Variants in OLR1 observed in about 807,000 individuals in gnomAD.
OLR1 encodes oxidized low density lipoprotein receptor 1, also known as oxidized low-density lipoprotein receptor 1.
In OLR1, 23 loss-of-function variants were observed where a neutral mutation model predicts 31.7. That is an observed-to-expected ratio of 0.72 (90% CI 0.52 to 1.03). The LOEUF (loss-of-function observed/expected upper bound fraction) is 1.03, where lower values mean the gene tolerates loss of function less well. Ranked by LOEUF, OLR1 falls within the 50% of genes least tolerant of loss-of-function variation. The pLI, the probability that OLR1 is intolerant of heterozygous loss-of-function variation, is 0.00. For synonymous variants in OLR1, 117 were observed against 115.8 expected (o/e 1.01, Z -0.07); for missense variants, 286 against 315.7 (o/e 0.91, Z 0.71).
chr12:10,163,596 T>C lies in OLR1; in HGVS notation c.425-2671A>G, dbSNP rs1360807702. On this transcript the variant is annotated intron_variant, in intron 3 of 5. Coordinates refer to ENST00000309539, the MANE Select transcript of OLR1 (RefSeq NM_002543.4). ...GGAAAAACTTGGCTTTTTTTTTTTT[T>C]CTGTATGTGGTATTTTAGTATTACT... Among the ~76,000 whole-genome samples, 4 of 143,250 alleles carry C rather than the reference T, an allele frequency of 2.8e-5. No homozygotes were observed. The East Asian group carries it at 6.2e-4, about 22-fold the overall frequency. The allele number at this position is 143,250 out of a possible 152,430, so 94.0% of individuals were successfully genotyped here.
chr12:10,162,835 A>T (rs1178275449), intron 3 of OLR1, among the ~76,000 whole-genome samples: 97 of 152,160 alleles, frequency 6.4e-4, no homozygotes, highest in Non-Finnish European at 1.6e-4. Context: ...CTCAAAAAAT[A>T]TATTTAGATG....
At chr12:10,174,891 A>G (rs922879648), upstream of OLR1, among the ~76,000 whole-genome samples, 19 of 152,236 alleles carry the variant, frequency 1.2e-4, no homozygotes, top group African/African-American at 3.6e-4. Flanking sequence ...ACAATTATCA[A>G]TGTGGTAGCA....
chr12:10,165,296 G>A (rs1186916831), intron 3 of OLR1, among the ~76,000 whole-genome samples: 1 of 151,050 alleles, frequency 6.6e-6, no homozygotes, highest in East Asian at 2.0e-4. Flanking sequence ...CGGGCGTGGT[G>A]GTGGGTGCCT....
chr12:10,174,191 G>A (rs1948749603), upstream of OLR1, among the ~76,000 whole-genome samples: 1 of 152,102 alleles, frequency 6.6e-6, no homozygotes, highest in Admixed American at 6.5e-5. Flanking sequence ...CTCCTGAGTA[G>A]CTGGGATTAC....
upstream of OLR1, among the ~76,000 whole-genome samples, chr12:10,172,982 C>A (rs1311234128): frequency 2.0e-5 from 3 of 152,060 alleles, no homozygotes; most frequent in Non-Finnish European, 4.4e-5. Flanking sequence ...TCAAATGACA[C>A]GCTGGTTAAA....
rs373714577 is a variant in OLR1, at chr12:10,172,087, C to G, written c.-10G>C. On this transcript the variant is annotated 5_prime_UTR_variant, in exon 1 of 6. Coordinates refer to ENST00000309539, the MANE Select transcript of OLR1 (RefSeq NM_002543.4). ...GGTCATCAAAAGTCATTTCCAAATT[C>G]AAGCTAAGAATGAGAGAGTGAAGCA... 1 of 1,609,888 alleles carries G rather than the reference C, an allele frequency of 6.2e-7. No homozygotes were observed. Among genetic ancestry groups the G allele is most frequent in the South Asian group, 1.1e-5 (1 of 90,970 alleles).
At chr12:10,165,304 C>A (rs989681732) in intron 3 of OLR1, among the ~76,000 whole-genome samples, 1 of 150,300 alleles carries the variant, frequency 6.7e-6, no homozygotes, top group South Asian at 2.1e-4. Context: ...GTGGTGGGTG[C>A]CTGTAATCCC....
upstream of OLR1, chr12:10,175,585 C>T (rs1948759806): frequency 6.6e-6 from 1 of 152,198 alleles, no homozygotes; most frequent in African/African-American, 2.4e-5. Flanking sequence ...TAAACTGAAT[C>T]CTTCTGTCTT....
intron 1 of OLR1, chr12:10,170,181 T>C (rs1050875487): frequency 6.6e-6 from 1 of 152,256 alleles, no homozygotes; most frequent in Admixed American, 6.5e-5. Flanking sequence ...GAATGTATAA[T>C]GATCCAGTCA....
chr12:10,159,830 T>C lies in OLR1; in HGVS notation c.*50A>G. ...CCAAGTGACAAAGAATAGCTTAAAT[T>C]CCAGAATAAAACTCAAAGACTTTTT... On this transcript the variant is annotated 3_prime_UTR_variant, in exon 6 of 6. Transcript: ENST00000309539. 2 of 1,544,280 alleles carry C rather than the reference T, an allele frequency of 1.3e-6. No homozygotes were observed. Among genetic ancestry groups the C allele is most frequent in the Non-Finnish European group, 1.8e-6 (2 of 1,142,466 alleles).
At chr12:10,165,852 G>A (rs547752126) in intron 3 of OLR1, among the ~76,000 whole-genome samples, 3 of 152,106 alleles carry the variant, frequency 2.0e-5, no homozygotes, top group Admixed American at 6.5e-5. Flanking sequence ...TCCACCAAAA[G>A]GTATGCTTAA....
At chr12:10,175,714 G>A (rs1948760678), upstream of OLR1, among the ~76,000 whole-genome samples, 1 of 152,168 alleles carries the variant, frequency 6.6e-6, no homozygotes, top group Non-Finnish European at 1.5e-5. Context: ...GATCTCCCAA[G>A]GGTTGCAAAG....
chr12:10,161,942 TATAA>T (rs774489900), intron 3 of OLR1, among the ~76,000 whole-genome samples: 1,043 of 46,296 alleles, frequency 0.023, 7 homozygotes, highest in Middle Eastern at 0.061. Flanking sequence ...TATATATATA[TATAA>T]AAAACACATA....
chr12:10,162,973 G>GTGTGTGTA (rs1491020761), intron 3 of OLR1, among the ~76,000 whole-genome samples: 1 of 151,978 alleles, frequency 6.6e-6, no homozygotes, highest in African/African-American at 2.4e-5. Flanking sequence ...GTGTGTGTGT[G>GTGTGTGTA]TGTACACAAA....
intron 1 of OLR1, among the ~76,000 whole-genome samples, chr12:10,171,630 G>A (rs1053071194): frequency 6.6e-6 from 1 of 152,138 alleles, no homozygotes; most frequent in African/African-American, 2.4e-5. Flanking sequence ...TACAGTCCTA[G>A]CTCTACCACT....
upstream of OLR1, among the ~76,000 whole-genome samples, chr12:10,175,833 G>A (rs1364264287): frequency 1.3e-5 from 2 of 152,198 alleles, no homozygotes; most frequent in Non-Finnish European, 2.9e-5. Flanking sequence ...CTATTTTATT[G>A]AGGCACAGAG....
At chr12:10,170,989 C>T (rs1273376440) in intron 1 of OLR1, 3 of 152,054 alleles carry the variant, frequency 2.0e-5, no homozygotes, top group Non-Finnish European at 2.9e-5. Flanking sequence ...ACCGATCTAA[C>T]CAAGATTCTG....
rs769214390 is a variant in OLR1, at chr12:10,166,862, C to T, written c.274G>A (p.Glu92Lys). The change falls in exon 3 of 6, where the codon GAA becomes AAA. Residue 92 changes from glutamate (E) to lysine (K), a missense_variant. Transcript: ENST00000309539. ...EGQISARQQA[E>K]EASQESENEL... The stretch of plus-strand genomic sequence containing the variant: ...TTTTCTGACTCCTGTGAAGCTTCTT[C>T]TGCTTGTTGCCGGGCTGAGATCTGT... 2 of 1,613,658 alleles carry T rather than the reference C, an allele frequency of 1.2e-6. No homozygotes were observed. Among genetic ancestry groups the T allele is most frequent in the East Asian group, 2.2e-5 (1 of 44,788 alleles).
chr12:10,163,747 A>G (rs1271208887), intron 3 of OLR1, among the ~76,000 whole-genome samples: 5 of 152,124 alleles, frequency 3.3e-5, no homozygotes, highest in Admixed American at 6.5e-5. Context: ...CCTGACCAAC[A>G]TGGTGAAACC....
Sources: allele counts gnomAD v4.1 joint callset (sites outside exome capture counted in the v4.1 genomes callset), GRCh38; gene constraint gnomAD v4.1.1; transcripts MANE v1.5; gene names NCBI Gene and HGNC (gene_info 2026-07-23, HGNC 2026-07-21).